Variants in EFCAB6 observed in about 807,000 individuals in gnomAD.
The protein encoded by EFCAB6 is EF-hand calcium binding domain 6.
In EFCAB6, 156 loss-of-function variants were observed where a neutral mutation model predicts 169.8. The observed-to-expected ratio is 0.92, with a 90% confidence interval of 0.81 to 1.05. EFCAB6 has a LOEUF of 1.05. EFCAB6 is among the 50% of genes least tolerant of loss of function. EFCAB6 has a pLI of 0.00. For missense variants in EFCAB6, 1,800 were observed against 1,829.1 expected, an observed-to-expected ratio of 0.98 and a Z score of 0.29; for synonymous variants, 698 against 676.4, an observed-to-expected ratio of 1.03 and a Z score of -0.50.
chr22:43,530,271 A>C (rs1192153057), intron 31 of EFCAB6, among the ~76,000 whole-genome samples: 1 of 152,176 alleles, frequency 6.6e-6, no homozygotes, highest in Non-Finnish European at 1.5e-5. Context: ...CTTAACCCCG[A>C]AGGAAAGAGG....
chr22:43,694,786 A>G (rs1457008167), intron 10 of EFCAB6, among the ~76,000 whole-genome samples: 1 of 152,052 alleles, frequency 6.6e-6, no homozygotes, highest in Non-Finnish European at 1.5e-5. Context: ...GCAAACAAGT[A>G]ATAGAAAATT....
intron 27 of EFCAB6, among the ~76,000 whole-genome samples, chr22:43,545,143 T>C (rs1478145851): frequency 6.6e-6 from 1 of 152,020 alleles, no homozygotes; most frequent in Non-Finnish European, 1.5e-5. Context: ...TGAGACTCCA[T>C]CTCAAAAGAA....
At chr22:43,598,211 G>A (rs1316660301) in intron 23 of EFCAB6, among the ~76,000 whole-genome samples, 1 of 150,578 alleles carries the variant, frequency 6.6e-6, no homozygotes, top group Non-Finnish European at 1.5e-5. Context: ...GGAGGCTGAG[G>A]TGGGAGGATC....
At chr22:43,710,409 G>T (rs2059119095) in intron 10 of EFCAB6, among the ~76,000 whole-genome samples, 1 of 152,158 alleles carries the variant, frequency 6.6e-6, no homozygotes, top group Non-Finnish European at 1.5e-5. Flanking sequence ...ACACAAATAT[G>T]CTTAAAGTAA....
At chr22:43,651,587 C>T (rs1029147305) in intron 17 of EFCAB6, among the ~76,000 whole-genome samples, 4 of 152,222 alleles carry the variant, frequency 2.6e-5, no homozygotes, top group Non-Finnish European at 5.9e-5. Context: ...GAGAAGAGGG[C>T]CACCATCCTC....
chr22:43,658,213 C>T (rs1344496024), intron 17 of EFCAB6, among the ~76,000 whole-genome samples: 2 of 151,774 alleles, frequency 1.3e-5, no homozygotes, highest in East Asian at 1.9e-4. Context: ...GCCTGGGCGA[C>T]GGAGCAAAAC....
intron 17 of EFCAB6, among the ~76,000 whole-genome samples, chr22:43,642,478 C>T (rs2055867444): frequency 6.6e-6 from 1 of 152,054 alleles, no homozygotes; most frequent in Admixed American, 6.6e-5. Context: ...CCTCATCTTC[C>T]AGCTCCTCCC....
intron 26 of EFCAB6, among the ~76,000 whole-genome samples, chr22:43,567,670 A>T (rs2049534873): frequency 1.3e-5 from 2 of 152,134 alleles, no homozygotes; most frequent in African/African-American, 4.8e-5. Flanking sequence ...TAATGGTGTG[A>T]CTGGGAAAGA....
Position 43,683,831 on chromosome 22 carries a change from G to C in EFCAB6, c.1167C>G (p.His389Gln). ...ATAACTTTGTGATGATGTTTTCCTTGTGAGATTCATTTCTAGAGTTGATGC... is the reference window on the plus strand; with the variant it reads ...ATAACTTTGTGATGATGTTTTCCTTCTGAGATTCATTTCTAGAGTTGATGC... The part of the protein sequence containing the change: ...RNSINSRNES[H>Q]KENIITKLFR... The change falls in exon 12 of 32, where the codon CAC (histidine) becomes CAG (glutamine). Residue 389 changes from histidine to glutamine, a missense_variant. His to Gln is a conservative substitution (Grantham distance 24, BLOSUM62 0). Transcript: ENST00000262726. 6.2e-7 allele frequency: 1 copy of C among 1,612,662 alleles called. No individual in the cohort carries two copies. The highest frequency in any genetic ancestry group is 8.5e-7 in the Non-Finnish European group (1 of 1,178,698).
chr22:43,694,909 A>G (rs1365573014), intron 10 of EFCAB6, among the ~76,000 whole-genome samples: 1 of 152,096 alleles, frequency 6.6e-6, no homozygotes, highest in African/African-American at 2.4e-5. Flanking sequence ...GGAATAAAGC[A>G]GGAATGTCTA....
chr22:43,800,386 T>G (rs558152218), intron 2 of EFCAB6, among the ~76,000 whole-genome samples: 1 of 152,198 alleles, frequency 6.6e-6, no homozygotes, highest in Non-Finnish European at 1.5e-5. Flanking sequence ...CAGAGAAGAC[T>G]GGAATAGATA....
Position 43,628,202 on chromosome 22 carries a change from C to T in EFCAB6, c.2233-1523G>A, listed in dbSNP as rs951022839. Among the ~76,000 whole-genome samples the T allele has an allele frequency of 7.2e-5, 11 of 152,156 alleles. No individual in the cohort carries two copies. Among genetic ancestry groups the T allele is most frequent in the Non-Finnish European group, 1.0e-4 (7 of 68,038 alleles). ...CACCCCCTGTCCCCACCCTACTCCT[C>T]CTAAGTCTTCCCATCTCAGTAAGTG... On this transcript the variant is annotated intron_variant, in intron 19 of 31. Coordinates refer to ENST00000262726, the MANE Select transcript of EFCAB6 (RefSeq NM_022785.4). This position sits in a 1 kb window ranked among gnomAD's most constrained non-coding sequence, Gnocchi z 4.8.
At chr22:43,756,411 T>A (rs952992480) in intron 5 of EFCAB6, among the ~76,000 whole-genome samples, 16 of 152,182 alleles carry the variant, frequency 1.1e-4, no homozygotes, top group African/African-American at 3.9e-4. Context: ...GGTCAATGCA[T>A]CTATACCGTC....
At chr22:43,725,267 G>A (rs1306790255) in intron 8 of EFCAB6, among the ~76,000 whole-genome samples, 2 of 150,462 alleles carry the variant, frequency 1.3e-5, no homozygotes, top group South Asian at 2.1e-4. Context: ...TCAGCCTCCC[G>A]AATAGCTGGG....
chr22:43,690,793 G>A (rs931822430), intron 10 of EFCAB6, among the ~76,000 whole-genome samples: 2 of 151,254 alleles, frequency 1.3e-5, no homozygotes, highest in Non-Finnish European at 2.9e-5. Context: ...CTGCCATGTC[G>A]CCCATCATTA....
chr22:43,544,096 C>G (rs139578824), intron 27 of EFCAB6, among the ~76,000 whole-genome samples: 1 of 152,054 alleles, frequency 6.6e-6, no homozygotes, highest in Non-Finnish European at 1.5e-5. Flanking sequence ...CCAGCCTCCC[C>G]CTGAGCTTAC....
intron 4 of EFCAB6, among the ~76,000 whole-genome samples, chr22:43,767,513 C>T (rs5764280): frequency 6.6e-6 from 1 of 152,040 alleles, no homozygotes; most frequent in African/African-American, 2.4e-5. Flanking sequence ...AAGAAACTTA[C>T]ATTTGCAGAG....
chr22:43,626,660 A>C lies in EFCAB6; in HGVS notation c.2252T>G (p.Phe751Cys), dbSNP rs1238195238. ...GCCATCCCTGTCAGCATCTGTTTTA[A>C]AGAAGGCAGAGTAGGGGTCCTAAAA... ...ESFRDPYSAF[F>C]KTDADRDGII... Residue 751 changes from phenylalanine (F) to cysteine (C), a missense_variant, in exon 20 of 32, where the codon TTT becomes TGT. Transcript: ENST00000262726. The C allele has an allele frequency of 6.2e-7, 1 of 1,614,162 alleles. No individual in the cohort carries two copies. The highest frequency in any genetic ancestry group is 1.1e-5 in the South Asian group (1 of 91,064).
chr22:43,681,965 C>G (rs1040559938), intron 12 of EFCAB6, among the ~76,000 whole-genome samples: 1 of 152,202 alleles, frequency 6.6e-6, no homozygotes, highest in African/African-American at 2.4e-5. Context: ...AAATGGGATG[C>G]ATGCCTTGGC....
Sources: allele counts gnomAD v4.1 joint callset (sites outside exome capture counted in the v4.1 genomes callset), GRCh38; gene constraint gnomAD v4.1.1; non-coding constraint Gnocchi (gnomAD v3.1); transcripts MANE v1.5; gene names NCBI Gene and HGNC (gene_info 2026-07-23, HGNC 2026-07-21).